Variants in NSRP1 observed in about 807,000 individuals in gnomAD.
NSRP1 encodes nuclear speckle splicing regulatory protein 1, also known as coiled-coil domain containing 55.
NSRP1 carries 24 observed loss-of-function variants against 54.7 expected under a neutral mutation model. The observed-to-expected ratio is 0.44, with a 90% CI of 0.32 to 0.62. The LOEUF is 0.62. Among genes scored for constraint, NSRP1 ranks in the 20% least tolerant of loss-of-function variants. The pLI is 0.06. For synonymous variants in NSRP1, 210 were observed against 213.8 expected (o/e 0.98, Z 0.15); for missense variants, 596 against 651.2 (o/e 0.92, Z 0.92).
chr17:30,148,440 C>T (rs374825767), intron 2 of NSRP1, among the ~76,000 whole-genome samples: 1 of 152,118 alleles, frequency 6.6e-6, no homozygotes, highest in East Asian at 1.9e-4. Flanking sequence ...GAGACTAATG[C>T]CCTTTAAAAG....
At chr17:30,170,496 A>G (rs749855377) in intron 2 of NSRP1, among the ~76,000 whole-genome samples, 4 of 151,982 alleles carry the variant, frequency 2.6e-5, no homozygotes, top group Non-Finnish European at 5.9e-5. Context: ...TAAGTTCTTT[A>G]TCTCTGTGAG....
chr17:30,170,432 A>G (rs1212017213), intron 2 of NSRP1, among the ~76,000 whole-genome samples: 1 of 152,094 alleles, frequency 6.6e-6, no homozygotes, highest in Non-Finnish European at 1.5e-5. Flanking sequence ...TCATCTTGTT[A>G]CATACCTACC....
intron 2 of NSRP1, among the ~76,000 whole-genome samples, chr17:30,124,748 G>A (rs2071635609): frequency 6.6e-6 from 1 of 152,194 alleles, no homozygotes; most frequent in African/African-American, 2.4e-5. Context: ...CTACCTTCCG[G>A]TCAAAGCCAA....
intron 2 of NSRP1, among the ~76,000 whole-genome samples, chr17:30,140,468 A>G (rs1405304967): frequency 6.7e-6 from 1 of 149,722 alleles, no homozygotes. Flanking sequence ...TATATTTGGA[A>G]TTGGTCCTTC....
At chr17:30,124,788 G>A (rs937510527) in intron 2 of NSRP1, among the ~76,000 whole-genome samples, 3 of 152,174 alleles carry the variant, frequency 2.0e-5, no homozygotes, top group African/African-American at 7.2e-5. Context: ...TTATTTCTTA[G>A]TGAACGGAAT....
At chr17:30,160,406 T>C (rs1297462571) in intron 2 of NSRP1, among the ~76,000 whole-genome samples, 1 of 152,206 alleles carries the variant, frequency 6.6e-6, no homozygotes, top group Non-Finnish European at 1.5e-5. Context: ...TGGTAGACTT[T>C]GGCAGTGAAG....
intron 3 of NSRP1, among the ~76,000 whole-genome samples, chr17:30,174,331 A>G (rs534148895): frequency 4.6e-5 from 7 of 152,208 alleles, no homozygotes; most frequent in African/African-American, 1.4e-4. Context: ...TCTCGCACCT[A>G]TATTACATAC....
intron 2 of NSRP1, among the ~76,000 whole-genome samples, chr17:30,138,391 T>G (rs545966357): frequency 6.6e-6 from 1 of 152,166 alleles, no homozygotes; most frequent in Non-Finnish European, 1.5e-5. Flanking sequence ...CCCACAGATA[T>G]GAAAATCTGT....
intron 2 of NSRP1, among the ~76,000 whole-genome samples, chr17:30,164,811 AAAG>A (rs1399399191): frequency 5.9e-5 from 9 of 152,294 alleles, no homozygotes; most frequent in South Asian, 4.1e-4. Context: ...AAAAAAGAGA[AAAG>A]AAGCCAGTTT....
intron 2 of NSRP1, among the ~76,000 whole-genome samples, chr17:30,135,764 C>G (rs2071745477): frequency 6.6e-6 from 1 of 151,802 alleles, no homozygotes; most frequent in African/African-American, 2.4e-5. Flanking sequence ...GCCACCATGC[C>G]CGGTGTTGGC....
At chr17:30,136,935 C>T (rs2071755991) in intron 2 of NSRP1, among the ~76,000 whole-genome samples, 1 of 152,068 alleles carries the variant, frequency 6.6e-6, no homozygotes, top group African/African-American at 2.4e-5. Context: ...AGTATCTGAG[C>T]ACCTTGCTAA....
intron 2 of NSRP1, among the ~76,000 whole-genome samples, chr17:30,146,371 G>T (rs1896379513): frequency 6.6e-6 from 1 of 152,130 alleles, no homozygotes. Context: ...ATGTAAGTGT[G>T]GTATAGTTCT....
In NSRP1 at chr17:30,148,507, C is replaced by A. The variant is rs144893189; in HGVS notation, c.115-24035C>A. 5.2e-3 allele frequency among the ~76,000 whole-genome samples: 786 copies of A among 152,248 alleles called. 6 individuals carry two copies. Among genetic ancestry groups the A allele is most frequent in the African/African-American group, 0.018 (746 of 41,544 alleles). ...AGAAGACATGCCATTTCATTCAGGG[C>A]TACATAGGGAAGAACCAGTTTGGAT... is the stretch of plus-strand genomic sequence containing the variant. On this transcript the variant is annotated intron_variant, in intron 2 of 6. Transcript: ENST00000247026.
At chr17:30,123,512 T>C (rs1475087733) in intron 2 of NSRP1, among the ~76,000 whole-genome samples, 1 of 152,210 alleles carries the variant, frequency 6.6e-6, no homozygotes, top group Non-Finnish European at 1.5e-5. Context: ...ATTCTCCTGT[T>C]CTGTGGGTTG....
intron 2 of NSRP1, among the ~76,000 whole-genome samples, chr17:30,156,016 T>C (rs1179613763): frequency 1.3e-5 from 2 of 151,486 alleles, no homozygotes; most frequent in Non-Finnish European, 2.9e-5. Context: ...ATTTTTATAC[T>C]TTTAGTAGAG....
Position 30,157,911 on chromosome 17 carries a change from G to C in NSRP1, c.115-14631G>C, listed in dbSNP as rs139647873. On this transcript the variant is annotated intron_variant, in intron 2 of 6. Coordinates refer to ENST00000247026, the MANE Select transcript of NSRP1 (RefSeq NM_032141.4). ...CGTTTATCTGTTGCTGGGCATTTAGGTTGATTCCATATCTTTGCTATTGTG... is the reference window on the plus strand; with the variant it reads ...CGTTTATCTGTTGCTGGGCATTTAGCTTGATTCCATATCTTTGCTATTGTG... Among the ~76,000 whole-genome samples the C allele has an allele frequency of 1.0e-3, 152 of 152,252 alleles. 2 individuals are homozygous for C. The Middle Eastern group carries it at 0.01, about 10-fold the overall frequency.
chr17:30,147,166 T>C (rs903493144), intron 2 of NSRP1, among the ~76,000 whole-genome samples: 4 of 151,316 alleles, frequency 2.6e-5, no homozygotes, highest in South Asian at 2.1e-4. Flanking sequence ...TTTGCTCTTA[T>C]TGCCCAGGAT....
At chr17:30,183,265 A>G (rs977494679) in intron 6 of NSRP1, among the ~76,000 whole-genome samples, 4 of 151,288 alleles carry the variant, frequency 2.6e-5, no homozygotes, top group African/African-American at 9.7e-5. Context: ...GGTAGATCTG[A>G]GTCTGTGTTG....
intron 2 of NSRP1, among the ~76,000 whole-genome samples, chr17:30,132,251 A>C (rs1326922507): frequency 7.7e-6 from 1 of 129,458 alleles, no homozygotes; most frequent in African/African-American, 2.9e-5. Context: ...GTCTCAAAAA[A>C]AAAAAAAAGA....
Sources: allele counts gnomAD v4.1 joint callset (sites outside exome capture counted in the v4.1 genomes callset), GRCh38; gene constraint gnomAD v4.1.1; transcripts MANE v1.5; gene names NCBI Gene and HGNC (gene_info 2026-07-23, HGNC 2026-07-21).